HMGA2: variants seen among roughly 807,000 people sequenced by gnomAD.
HMGA2 encodes high mobility group AT-hook 2.
HMGA2 carries 8 observed loss-of-function variants against 19.1 expected under a neutral mutation model. The observed-to-expected ratio is 0.42, with a 90% CI of 0.25 to 0.76. HMGA2 has a LOEUF of 0.76. Among genes scored for constraint, HMGA2 ranks in the 30% least tolerant of loss-of-function variants. The probability of loss-of-function intolerance (pLI) is 0.28; values close to 1 mark genes in which losing one functional copy is unlikely to be tolerated. For missense variants in HMGA2, 109 were observed against 136.3 expected (o/e 0.80, Z 1.00); for synonymous variants, 60 against 48.8 (o/e 1.23, Z -0.96).
rs1360825365 is a variant in HMGA2 at position 65,825,104 on chromosome 12, TGGCAGCGGC to T, written c.-160_-152del. ...GCCGCTGGACGTCCGGTGTTGATGG[TGGCAGCGGC>T]GGCAGCCTAAGCAACAGCAGCCCTC... On this transcript the variant is annotated 5_prime_UTR_variant, in exon 1 of 5. Coordinates refer to ENST00000403681, the MANE Select transcript of HMGA2 (RefSeq NM_003483.6). The surrounding 1 kb of genome is among the most constrained non-coding windows in gnomAD (Gnocchi z 4.4). 1 of 532,128 alleles carries T rather than the reference TGGCAGCGGC, an allele frequency of 1.9e-6. No individual in the cohort carries two copies. Among genetic ancestry groups the T allele is most frequent in the Non-Finnish European group, 3.3e-6 (1 of 306,936 alleles). 33.0% of individuals were successfully genotyped at this position (532,128 alleles called of 1,614,324 possible). A position where few individuals can be genotyped will look rare whatever the true frequency, so the allele number is the denominator to read the frequency against.
chr12:65,949,539 C>A (rs1460703671), intron 3 of HMGA2, among the ~76,000 whole-genome samples: 1 of 152,096 alleles, frequency 6.6e-6, no homozygotes. Flanking sequence ...TATATTCAGA[C>A]ATGAGAGTGA....
intron 3 of HMGA2, among the ~76,000 whole-genome samples, chr12:65,920,272 G>C (rs1875257939): frequency 6.6e-6 from 1 of 152,224 alleles, no homozygotes; most frequent in South Asian, 2.1e-4. Flanking sequence ...TTTCAGGAGA[G>C]ATCTCCAAAC....
chr12:65,946,491 T>C (rs958679995), intron 3 of HMGA2, among the ~76,000 whole-genome samples: 3 of 152,200 alleles, frequency 2.0e-5, no homozygotes, highest in African/African-American at 7.2e-5. Context: ...CCATACATTG[T>C]GCCTAATTTT....
intron 3 of HMGA2, among the ~76,000 whole-genome samples, chr12:65,939,540 G>C (rs1327294140): frequency 6.6e-6 from 1 of 152,048 alleles, no homozygotes; most frequent in Non-Finnish European, 1.5e-5. Flanking sequence ...ACTTTTAGTA[G>C]AGATGGGGTT....
At chr12:65,919,536 T>C (rs531317928) in intron 3 of HMGA2, among the ~76,000 whole-genome samples, 4 of 152,254 alleles carry the variant, frequency 2.6e-5, no homozygotes, top group Non-Finnish European at 5.9e-5. Flanking sequence ...AGAAAAATGT[T>C]AAATTCATGT....
intron 3 of HMGA2, among the ~76,000 whole-genome samples, chr12:65,880,910 AG>A (rs1873340844): frequency 6.6e-6 from 1 of 152,224 alleles, no homozygotes; most frequent in African/African-American, 2.4e-5. Context: ...AGATATGAAA[AG>A]TTCCTTGATA....
chr12:65,897,649 C>T (rs1384772867), intron 3 of HMGA2, among the ~76,000 whole-genome samples: 1 of 152,104 alleles, frequency 6.6e-6, no homozygotes, highest in Non-Finnish European at 1.5e-5. Flanking sequence ...AAAAGCAATG[C>T]TTATTATTTG....
intron 3 of HMGA2, among the ~76,000 whole-genome samples, chr12:65,850,705 CT>C (rs1235678030): frequency 5.9e-5 from 9 of 152,008 alleles, no homozygotes; most frequent in African/African-American, 2.2e-4. Context: ...GTGTTTTATC[CT>C]GTGCTTTTAT....
chr12:65,868,254 A>C (rs1356489865), intron 3 of HMGA2, among the ~76,000 whole-genome samples: 2 of 152,154 alleles, frequency 1.3e-5, no homozygotes. Flanking sequence ...TTTCATTTGC[A>C]GTGCAGATAA....
intron 3 of HMGA2, among the ~76,000 whole-genome samples, chr12:65,838,920 G>A (rs566328789): frequency 9.2e-5 from 14 of 151,378 alleles, no homozygotes; most frequent in Admixed American, 4.6e-4. Flanking sequence ...ATTACAAATG[G>A]TGTTAAAATT....
At position 65,896,773 on chromosome 12, in the gene HMGA2, G is replaced by A. The variant is rs140743794; in HGVS notation, c.250-54610G>A. ...TGTTTTCTTAATTGATTAAACGTTG[G>A]AAGAATACTGCATGAAGAATCTGAT... On this transcript the variant is annotated intron_variant, in intron 3 of 4. Transcript: ENST00000403681. Among the ~76,000 whole-genome samples the A allele has an allele frequency of 4.7e-4, 71 of 152,304 alleles. 1 individual carries two copies. The highest frequency in any genetic ancestry group is 1.5e-3 in the African/African-American group (61 of 41,568).
intron 3 of HMGA2, among the ~76,000 whole-genome samples, chr12:65,910,817 A>C (rs1023670749): frequency 2.0e-5 from 3 of 152,232 alleles, no homozygotes; most frequent in African/African-American, 4.8e-5. Context: ...ACTTATAAAA[A>C]AAAGGGGGCT....
chr12:65,908,788 C>G (rs1417631771), intron 3 of HMGA2, among the ~76,000 whole-genome samples: 1 of 152,172 alleles, frequency 6.6e-6, no homozygotes, highest in Non-Finnish European at 1.5e-5. Context: ...ACTTTTGCAA[C>G]CCAACTCCCA....
chr12:65,899,547 A>G (rs1014708778), intron 3 of HMGA2, among the ~76,000 whole-genome samples: 1 of 152,184 alleles, frequency 6.6e-6, no homozygotes, highest in Non-Finnish European at 1.5e-5. Flanking sequence ...AATCAAGTTT[A>G]TCTCTGGATG....
At chr12:65,890,291 G>A (rs1007099259) in intron 3 of HMGA2, among the ~76,000 whole-genome samples, 4 of 152,202 alleles carry the variant, frequency 2.6e-5, no homozygotes, top group South Asian at 4.2e-4. Flanking sequence ...CTCTTTGCAC[G>A]TCCAGCCCTT....
intron 3 of HMGA2, among the ~76,000 whole-genome samples, chr12:65,926,522 AAG>A (rs754587253): frequency 1.3e-5 from 2 of 152,258 alleles, no homozygotes; most frequent in Non-Finnish European, 2.9e-5. Flanking sequence ...CTCTAACTGC[AAG>A]AGTGTGAAGT....
intron 3 of HMGA2, among the ~76,000 whole-genome samples, chr12:65,852,397 G>A (rs904507722): frequency 3.9e-5 from 6 of 152,042 alleles, no homozygotes; most frequent in African/African-American, 1.4e-4. Context: ...CAGCTACTCG[G>A]GAGACTGAGG....
intron 3 of HMGA2, among the ~76,000 whole-genome samples, chr12:65,841,126 T>TAA (rs2120886138): frequency 6.6e-6 from 1 of 152,232 alleles, no homozygotes; most frequent in East Asian, 1.9e-4. Context: ...CAAGCAGGAG[T>TAA]AAACTATAGA....
chr12:65,951,575 A>G, intron 4 of HMGA2, 160 bp downstream of exon 4: 1 of 598,500 alleles, frequency 1.7e-6, no homozygotes, highest in South Asian at 2.5e-5. Flanking sequence ...AGTTAGGAAT[A>G]TATAGTCTGC....
Sources: allele counts gnomAD v4.1 joint callset (sites outside exome capture counted in the v4.1 genomes callset), GRCh38; gene constraint gnomAD v4.1.1; non-coding constraint Gnocchi (gnomAD v3.1); transcripts MANE v1.5; gene names NCBI Gene and HGNC (gene_info 2026-07-23, HGNC 2026-07-21).